Variants in FAM186A observed in about 807,000 individuals in gnomAD.
FAM186A encodes the protein protein FAM186A.
In FAM186A, 163 loss-of-function variants were observed where a neutral mutation model predicts 216.8. That is an observed-to-expected ratio of 0.75 (90% confidence interval 0.66 to 0.86). The LOEUF (loss-of-function observed/expected upper bound fraction) is 0.86. Among genes scored for constraint, FAM186A ranks in the 40% least tolerant of loss-of-function variants. The pLI, the probability that FAM186A is intolerant of heterozygous loss-of-function variation, is 0.00. For missense variants in FAM186A, 2,184 were observed against 2,746.2 expected (o/e 0.80, Z 4.58); for synonymous variants, 805 against 1,025.3 (o/e 0.79, Z 4.10).
At chr12:50,386,774 A>T (rs535972314) in intron 1 of FAM186A, among the ~76,000 whole-genome samples, 53 of 141,592 alleles carry the variant, frequency 3.7e-4, no homozygotes, top group South Asian at 5.2e-4. Context: ...GCAAGAGAAT[A>T]GCATGAACCC....
chr12:50,342,894 T>G (rs1942778939), intron 4 of FAM186A, among the ~76,000 whole-genome samples: 1 of 151,374 alleles, frequency 6.6e-6, no homozygotes, highest in East Asian at 2.0e-4. Context: ...GTCTCAGTTT[T>G]CCAAATAGCT....
chr12:50,365,862 G>GT (rs1943082467), intron 1 of FAM186A: 1 of 762,862 alleles, frequency 1.3e-6, no homozygotes. Context: ...TGGCAAAGTA[G>GT]TCCAGGTTTA....
chr12:50,362,898 T>A (rs1181058119), intron 2 of FAM186A, among the ~76,000 whole-genome samples: 1 of 152,022 alleles, frequency 6.6e-6, no homozygotes, highest in African/African-American at 2.4e-5. Context: ...GATAAGGGAA[T>A]AGTATGCATA....
Position 50,363,298 on chromosome 12 carries a change from C to CA in FAM186A, c.258dup (p.Val87CysfsTer3). The CA allele has an allele frequency of 6.4e-7, 1 of 1,551,450 alleles. No individual in the cohort carries two copies. Among genetic ancestry groups the CA allele is most frequent in the Non-Finnish European group, 8.7e-7 (1 of 1,146,930 alleles). On this transcript the variant is annotated frameshift_variant, in exon 2 of 8. Transcript: ENST00000327337. LOFTEE classifies it high-confidence loss of function. ...TTCCTTTCAGAGGACGAGTTAAAAA[C>CA]AAGAGTATAGCGAGTCATTATCCGA...
At chr12:50,328,222 T>C (rs1027788395) in intron 7 of FAM186A, among the ~76,000 whole-genome samples, 1 of 152,168 alleles carries the variant, frequency 6.6e-6, no homozygotes, top group African/African-American at 2.4e-5. Context: ...AATTATGATA[T>C]ATCTATACAA....
intron 1 of FAM186A, among the ~76,000 whole-genome samples, chr12:50,377,158 A>C (rs1470635671): frequency 1.3e-5 from 2 of 152,184 alleles, no homozygotes; most frequent in African/African-American, 2.4e-5. Flanking sequence ...AGGGGGAAAA[A>C]AGAACTACAA....
In FAM186A at chr12:50,351,118, G is replaced by A. The variant is rs1731240477; in HGVS notation, c.5714C>T (p.Thr1905Ile). The A allele has an allele frequency of 1.3e-6, 2 of 1,551,468 alleles. No homozygotes were observed. The highest frequency in any genetic ancestry group is 1.7e-6 in the Non-Finnish European group (2 of 1,146,982). Residue 1905 changes from threonine to isoleucine, a missense_variant, in exon 4 of 8, where the codon ACC becomes ATC. Transcript: ENST00000327337. ...CCATGTTGCCAGATGCTGCCCAGGG[G>A]TAGAAGGAGCCTGCAGATAGGGAGA... ...EQSPYLQAPS[T>I]PGQHLATWTL...
In FAM186A at chr12:50,344,121, C is replaced by T. The variant is rs905582370; in HGVS notation, c.6503+6208G>A. ...CTTTTCTTTTTTATTTTAGTAAGTT[C>T]AACTTTTACTTTAGATTCAGAGGGT... On this transcript the variant is annotated intron_variant, in intron 4 of 7. Coordinates refer to ENST00000327337, the MANE Select transcript of FAM186A (RefSeq NM_001145475.3). Among the ~76,000 whole-genome samples the T allele has an allele frequency of 2.7e-5, 4 of 146,336 alleles. No homozygotes were observed. The South Asian group carries it at 8.7e-4, about 32-fold the overall frequency.
intron 4 of FAM186A, among the ~76,000 whole-genome samples, chr12:50,335,343 T>C (rs973653417): frequency 1.3e-5 from 2 of 152,118 alleles, no homozygotes; most frequent in Admixed American, 6.5e-5. Context: ...TATAGATATG[T>C]GTAAGACACA....
chr12:50,388,767 C>T (rs1943329290), intron 1 of FAM186A, among the ~76,000 whole-genome samples: 1 of 151,816 alleles, frequency 6.6e-6, no homozygotes, highest in Admixed American at 6.6e-5. Context: ...TCTTAAAATA[C>T]AGTGCCTGGG....
chr12:50,340,589 C>T (rs1037401332), intron 4 of FAM186A, among the ~76,000 whole-genome samples: 3 of 151,262 alleles, frequency 2.0e-5, no homozygotes, highest in South Asian at 2.1e-4. Flanking sequence ...ACACACAGGT[C>T]GCTTCGGCCC....
chr12:50,345,480 G>C (rs934739220), intron 4 of FAM186A, among the ~76,000 whole-genome samples: 7 of 152,120 alleles, frequency 4.6e-5, no homozygotes, highest in African/African-American at 1.7e-4. Context: ...TATAGTTTGA[G>C]GTCTTACATT....
At chr12:50,346,502 C>T (rs1230097502) in intron 4 of FAM186A, among the ~76,000 whole-genome samples, 2 of 152,116 alleles carry the variant, frequency 1.3e-5, no homozygotes, top group African/African-American at 4.8e-5. Flanking sequence ...TGGGAGATTA[C>T]AGGCATGAGC....
Position 50,354,469 on chromosome 12 carries a change from A to G in FAM186A, c.2363T>C (p.Ile788Thr). Residue 788 changes from isoleucine (I) to threonine (T), a missense_variant, in exon 4 of 8, where the codon ATT (isoleucine) becomes ACT (threonine). Physicochemically the swap from Ile to Thr is moderately conservative, Grantham distance 89 (BLOSUM62 -1). Transcript: ENST00000327337. ...CAAGATCATTTGTATTAAATTGTTA[A>G]TTACTGGATCTGTGCTCTCATATGA... ...LLSYESTDPV[I>T]NNLIQMILAE... 3 of 1,551,500 alleles carry G rather than the reference A, an allele frequency of 1.9e-6. No homozygotes were observed. Among genetic ancestry groups the G allele is most frequent in the Non-Finnish European group, 1.7e-6 (2 of 1,146,980 alleles).
intron 1 of FAM186A, among the ~76,000 whole-genome samples, chr12:50,369,016 A>T (rs1486870796): frequency 6.6e-6 from 1 of 151,892 alleles, no homozygotes; most frequent in Non-Finnish European, 1.5e-5. Flanking sequence ...GAATACCTAC[A>T]CATGAAAGAA....
In FAM186A at chr12:50,351,016, G is replaced by T. The variant is rs1484298610; in HGVS notation, c.5816C>A (p.Ala1939Asp). The change falls in exon 4 of 8, where the codon GCC (alanine) becomes GAC (aspartate). Residue 1939 changes from alanine (A) to aspartate (D), a missense_variant. Around this residue, in one of 7 missense-constraint regions of FAM186A, gnomAD observed 721 missense variants for 816.4 expected, o/e 0.88. Coordinates refer to ENST00000327337, the MANE Select transcript of FAM186A (RefSeq NM_001145475.3). ...CCAACTTTTCTGGGGCTTTCCAGGGGCTGGGGACGGCCATAGTGTGGGAGG... is the reference window on the plus strand; with the variant it reads ...CCAACTTTTCTGGGGCTTTCCAGGGTCTGGGGACGGCCATAGTGTGGGAGG... ...RHPPTLWPSP[A>D]PGKPQKSWSP... 1 of 1,551,422 alleles carries T rather than the reference G, an allele frequency of 6.4e-7. No individual in the cohort carries two copies. Among genetic ancestry groups the T allele is most frequent in the Admixed American group, 2.0e-5 (1 of 50,960 alleles).
At chr12:50,395,526 T>A (rs957345261) in intron 1 of FAM186A, among the ~76,000 whole-genome samples, 1 of 152,024 alleles carries the variant, frequency 6.6e-6, no homozygotes, top group Non-Finnish European at 1.5e-5. Flanking sequence ...ACCAGGCTGG[T>A]CTCTAACTCC....
chr12:50,348,031 C>A (rs972742211), intron 4 of FAM186A, among the ~76,000 whole-genome samples: 8 of 142,192 alleles, frequency 5.6e-5, no homozygotes, highest in Non-Finnish European at 1.2e-4. Context: ...AGCCACAATG[C>A]CTGGTAATTT....
chr12:50,346,170 A>G (rs1592603607), intron 4 of FAM186A, among the ~76,000 whole-genome samples: 1 of 145,008 alleles, frequency 6.9e-6, no homozygotes, highest in East Asian at 2.0e-4. Context: ...ACCCCGCCAA[A>G]AAAAAAAAGA....
Sources: gnomAD v4.1 joint callset for allele counts (sites outside exome capture counted in the v4.1 genomes callset) on GRCh38, gnomAD v4.1.1 for gene constraint, gnomAD v4.1.1 regional missense constraint, MANE v1.5 for transcripts, NCBI Gene and HGNC (gene_info 2026-07-23, HGNC 2026-07-21) for gene names.